SOX5: variants seen among roughly 807,000 people sequenced by gnomAD.
The protein encoded by SOX5 is SRY-box transcription factor 5.
Under a neutral mutation model 92.0 loss-of-function variants are expected in SOX5, and 9 were observed. The observed-to-expected ratio is 0.10, with a 90% CI of 0.06 to 0.17. SOX5 has a LOEUF of 0.17. Ranked by LOEUF, SOX5 falls within the 10% of genes least tolerant of loss-of-function variation. The probability of loss-of-function intolerance (pLI) is 1.00; values close to 1 mark genes in which losing one functional copy is unlikely to be tolerated. For missense variants in SOX5, 642 were observed against 944.5 expected (o/e 0.68, Z 4.20); for synonymous variants, 344 against 336.3 (o/e 1.02, Z -0.25).
chr12:24,214,639 TG>T (rs1457336776), intron 3 of SOX5, among the ~76,000 whole-genome samples: 1 of 152,052 alleles, frequency 6.6e-6, no homozygotes, highest in African/African-American at 2.4e-5. Flanking sequence ...ATCAATTTTT[TG>T]TCTTAGGTTG....
At chr12:24,123,043 G>A (rs1948781703) in intron 4 of SOX5, among the ~76,000 whole-genome samples, 1 of 152,244 alleles carries the variant, frequency 6.6e-6, no homozygotes, top group Non-Finnish European at 1.5e-5. Context: ...AATCATTTCT[G>A]AAGGAGAGCA....
intron 6 of SOX5, among the ~76,000 whole-genome samples, chr12:23,704,207 G>A (rs780414716): frequency 6.6e-6 from 1 of 151,600 alleles, no homozygotes; most frequent in Non-Finnish European, 1.5e-5. Flanking sequence ...TTATCTTAAA[G>A]ATGCTTTCAT....
intron 1 of SOX5, among the ~76,000 whole-genome samples, chr12:24,544,116 A>G (rs184659941): frequency 2.2e-4 from 33 of 152,340 alleles, no homozygotes; most frequent in Non-Finnish European, 3.5e-4. Context: ...ATGAGCAGGT[A>G]CTGTTAAATA....
chr12:23,746,543 G>A (rs1264128577), intron 4 of SOX5, among the ~76,000 whole-genome samples: 1 of 152,110 alleles, frequency 6.6e-6, no homozygotes, highest in East Asian at 1.9e-4. Context: ...TGCTAGTCCT[G>A]TTCCAGTCCC....
chr12:24,137,590 C>T (rs1950219807), intron 4 of SOX5, among the ~76,000 whole-genome samples: 1 of 152,106 alleles, frequency 6.6e-6, no homozygotes. Flanking sequence ...AGAAGTCACG[C>T]CACTGCAATC....
intron 6 of SOX5, among the ~76,000 whole-genome samples, chr12:23,670,756 A>C (rs1394792112): frequency 2.0e-5 from 3 of 152,048 alleles, no homozygotes; most frequent in Non-Finnish European, 4.4e-5. Flanking sequence ...AAACTGGAAC[A>C]AGGTTCCAGG....
rs528107457 is a variant in SOX5 at position 23,691,265 on chromosome 12, C to T, written c.811-25701G>A. ...CACAAGATTCCTAAATTATTTCTTACGTCACACTATTATTTTCTGTCTTCT... is the reference window on the plus strand; with the variant it reads ...CACAAGATTCCTAAATTATTTCTTATGTCACACTATTATTTTCTGTCTTCT... On this transcript the variant is annotated intron_variant, in intron 6 of 14. Transcript: ENST00000451604. Among the ~76,000 whole-genome samples, 83 of 152,196 alleles carry T rather than the reference C, an allele frequency of 5.5e-4. 2 individuals are homozygous for T. The highest frequency in any genetic ancestry group is 1.8e-3 in the African/African-American group (74 of 41,558).
chr12:23,587,399 G>T (rs1266871515), intron 9 of SOX5, among the ~76,000 whole-genome samples: 1 of 151,982 alleles, frequency 6.6e-6, no homozygotes, highest in Non-Finnish European at 1.5e-5. Context: ...AAGTCATAAA[G>T]GTGTAAGCTT....
intron 4 of SOX5, among the ~76,000 whole-genome samples, chr12:23,987,160 A>AAACTACAT (rs1241270806): frequency 6.6e-6 from 1 of 152,216 alleles, no homozygotes; most frequent in Non-Finnish European, 1.5e-5. Flanking sequence ...AGGAGAGACA[A>AAACTACAT]AACTACATAA....
At chr12:24,376,531 T>C (rs990429253) in intron 1 of SOX5, among the ~76,000 whole-genome samples, 2 of 152,030 alleles carry the variant, frequency 1.3e-5, no homozygotes, top group African/African-American at 4.8e-5. Context: ...ACTGGTAGCA[T>C]GAAAAGACAG....
Position 23,847,939 on chromosome 12 carries a change from A to G in SOX5, c.271-1746T>C, listed in dbSNP as rs537014365. ...TATACAAACACATAAACACACACAC[A>G]CACAGAGCCCTAAAAAGAGCAATCA... On this transcript the variant is annotated intron_variant, in intron 2 of 14. Coordinates refer to ENST00000451604, the MANE Select transcript of SOX5 (RefSeq NM_006940.6). Among the ~76,000 whole-genome samples, 21 of 152,296 alleles carry G rather than the reference A, an allele frequency of 1.4e-4. No individual in the cohort carries two copies. The South Asian group carries it at 4.3e-3, about 32-fold the overall frequency.
intron 4 of SOX5, among the ~76,000 whole-genome samples, chr12:24,020,544 C>T (rs1028458229): frequency 3.9e-5 from 6 of 152,142 alleles, no homozygotes. Context: ...GGTCTGCTAT[C>T]ATTCGGCCTT....
At chr12:23,926,947 T>A (rs2139051159) in intron 1 of SOX5, among the ~76,000 whole-genome samples, 1 of 152,204 alleles carries the variant, frequency 6.6e-6, no homozygotes, top group Non-Finnish European at 1.5e-5. Flanking sequence ...GAACTTTTTG[T>A]TGTATGCCAG....
chr12:23,666,514 C>T (rs2083838127), intron 6 of SOX5, among the ~76,000 whole-genome samples: 5 of 152,040 alleles, frequency 3.3e-5, no homozygotes, highest in Admixed American at 3.3e-4. Flanking sequence ...TTTTTTTGAA[C>T]AAATATTTAA....
intron 4 of SOX5, among the ~76,000 whole-genome samples, chr12:24,158,998 C>T (rs910823777): frequency 2.0e-5 from 3 of 151,862 alleles, no homozygotes; most frequent in Non-Finnish European, 2.9e-5. Context: ...CGAATAGTAG[C>T]CTATAAGGAT....
At chr12:24,078,976 A>G (rs974270412) in intron 4 of SOX5, among the ~76,000 whole-genome samples, 1 of 151,886 alleles carries the variant, frequency 6.6e-6, no homozygotes, top group Non-Finnish European at 1.5e-5. Flanking sequence ...GAAACCATCA[A>G]CTGCCCTCCT....
At position 23,533,759 on chromosome 12, in the gene SOX5, C is replaced by T. The variant is rs1034547346; in HGVS notation, c.*460G>A. 1 of 152,222 alleles carries T rather than the reference C, an allele frequency of 6.6e-6. No homozygotes were observed. Among genetic ancestry groups the T allele is most frequent in the Non-Finnish European group, 1.5e-5 (1 of 68,132 alleles). The allele number at this position is 152,222 out of a possible 1,614,324, so 9.4% of individuals were successfully genotyped here. On this transcript the variant is annotated 3_prime_UTR_variant, in exon 15 of 15. Coordinates refer to ENST00000451604, the MANE Select transcript of SOX5 (RefSeq NM_006940.6). ...GGAAAGAAAAAGAAAAGGAAAAAAC[C>T]CAGAAACCCCAAAAAACAAAACAAA...
chr12:24,418,338 C>T (rs1965373429), intron 1 of SOX5, among the ~76,000 whole-genome samples: 2 of 152,216 alleles, frequency 1.3e-5, no homozygotes, highest in Non-Finnish European at 2.9e-5. Context: ...ATCCCATCCT[C>T]CTTGCCAGTG....
intron 3 of SOX5, among the ~76,000 whole-genome samples, chr12:24,262,211 G>A (rs965282899): frequency 6.6e-6 from 1 of 152,120 alleles, no homozygotes; most frequent in Non-Finnish European, 1.5e-5. Flanking sequence ...CGAAATTCTC[G>A]ATGGGCATAA....
Sources: allele counts gnomAD v4.1 joint callset (sites outside exome capture counted in the v4.1 genomes callset), GRCh38; gene constraint gnomAD v4.1.1; transcripts MANE v1.5; gene names NCBI Gene and HGNC (gene_info 2026-07-23, HGNC 2026-07-21).